NPAS3: variants seen among roughly 807,000 people sequenced by gnomAD.
NPAS3 encodes neuronal PAS domain protein 3.
In NPAS3, 14 loss-of-function variants were observed where a neutral mutation model predicts 73.1. The ratio of observed to expected loss-of-function variants is 0.19; its 90% confidence interval spans 0.13 to 0.30. NPAS3 has a LOEUF of 0.30. Among genes scored for constraint, NPAS3 ranks in the 10% least tolerant of loss-of-function variants. The pLI, the probability that NPAS3 is intolerant of heterozygous loss-of-function variation, is 1.00. For missense variants in NPAS3, 1,096 were observed against 1,250.0 expected (o/e 0.88, Z 1.86); for synonymous variants, 620 against 541.5 (o/e 1.14, Z -2.01).
chr14:33,438,438 AT>A (rs1208996633), intron 4 of NPAS3, among the ~76,000 whole-genome samples: 1 of 152,236 alleles, frequency 6.6e-6, no homozygotes, highest in Admixed American at 6.5e-5. Context: ...AAAAAAAGAC[AT>A]CATAGCAAGA....
intron 2 of NPAS3, among the ~76,000 whole-genome samples, chr14:33,060,884 G>C (rs2041073064): frequency 6.6e-6 from 1 of 152,212 alleles, no homozygotes; most frequent in Non-Finnish European, 1.5e-5. Flanking sequence ...TATGGGGCTA[G>C]AGGAAAGTTT....
chr14:33,531,447 A>AC lies in NPAS3; in HGVS notation c.469-28673dup, dbSNP rs558435003. Reference sequence around the variant, plus strand: ...GAGAACGTCATATAAATGGAATGATACAGTATGTAAGCTTTCAAGACTGGC... The same window carrying AC: ...GAGAACGTCATATAAATGGAATGATACCAGTATGTAAGCTTTCAAGACTGGC... On this transcript the variant is annotated intron_variant, in intron 4 of 11. Coordinates refer to ENST00000356141, the Ensembl canonical transcript of NPAS3. Among the ~76,000 whole-genome samples, 33 of 152,196 alleles carry AC rather than the reference A, an allele frequency of 2.2e-4. No homozygotes were observed. In the East Asian group the frequency reaches 6.0e-3, roughly 28 times the overall value.
Position 33,228,037 on chromosome 14 carries a change from C to T in NPAS3, c.385+12611C>T, listed in dbSNP as rs145625717. 5.1e-3 allele frequency among the ~76,000 whole-genome samples: 776 copies of T among 152,182 alleles called. 7 individuals carry two copies. The highest frequency in any genetic ancestry group is 0.015 in the African/African-American group (631 of 41,516). On this transcript the variant is annotated intron_variant, in intron 3 of 11. Coordinates refer to ENST00000356141, the Ensembl canonical transcript of NPAS3. ...ACCTGTGAACCCAGCTTGTCTATAC[C>T]GTCTACTGCAGTGAGCTGAGATTGT... is the stretch of plus-strand genomic sequence containing the variant.
intron 4 of NPAS3, among the ~76,000 whole-genome samples, chr14:33,408,259 T>C (rs185272471): frequency 8.5e-4 from 129 of 152,258 alleles, no homozygotes; most frequent in African/African-American, 3.0e-3. Flanking sequence ...CATTTAACTT[T>C]ACCTGCCGAA....
intron 3 of NPAS3, among the ~76,000 whole-genome samples, chr14:33,297,024 C>CT (rs1236968751): frequency 6.6e-6 from 1 of 152,180 alleles, no homozygotes; most frequent in South Asian, 2.1e-4. Context: ...ATTTCTCATC[C>CT]TTTTTTTCTC....
At chr14:32,964,961 C>T (rs1302184252) in intron 1 of NPAS3, among the ~76,000 whole-genome samples, 2 of 152,070 alleles carry the variant, frequency 1.3e-5, no homozygotes, top group Non-Finnish European at 2.9e-5. Flanking sequence ...CAGAGCAAGA[C>T]CCTGTCTCTG....
intron 1 of NPAS3, among the ~76,000 whole-genome samples, chr14:32,968,785 T>A (rs1379381452): frequency 2.6e-5 from 4 of 151,054 alleles, no homozygotes. Context: ...TTTTTTTTTT[T>A]AAACTTATTT....
intron 6 of NPAS3, among the ~76,000 whole-genome samples, chr14:33,690,285 A>G (rs1024076638): frequency 6.6e-6 from 1 of 152,160 alleles, no homozygotes; most frequent in Non-Finnish European, 1.5e-5. Flanking sequence ...AATCTTGAGA[A>G]CTAAAATGAG....
chr14:32,975,513 G>T (rs1322384024), intron 1 of NPAS3, among the ~76,000 whole-genome samples: 1 of 152,132 alleles, frequency 6.6e-6, no homozygotes, highest in African/African-American at 2.4e-5. Context: ...GAAGGGACTT[G>T]TTTCTGTTAT....
chr14:33,073,260 A>G (rs976492772), intron 2 of NPAS3, among the ~76,000 whole-genome samples: 13 of 152,226 alleles, frequency 8.5e-5, no homozygotes, highest in African/African-American at 3.1e-4. Context: ...GTTGCATGCC[A>G]GTGGGGCAAT....
chr14:33,158,598 G>A (rs765517255), intron 2 of NPAS3, among the ~76,000 whole-genome samples: 7 of 152,138 alleles, frequency 4.6e-5, no homozygotes, highest in African/African-American at 7.2e-5. Flanking sequence ...CTAAGGTACT[G>A]CAGAGAGAGG....
chr14:33,507,486 C>A (rs1435072885), intron 4 of NPAS3, among the ~76,000 whole-genome samples: 1 of 151,812 alleles, frequency 6.6e-6, no homozygotes, highest in Non-Finnish European at 1.5e-5. Context: ...TTGCCCACAC[C>A]CTCCTTGTAT....
intron 2 of NPAS3, among the ~76,000 whole-genome samples, chr14:33,128,933 T>A (rs753123601): frequency 6.6e-6 from 1 of 152,166 alleles, no homozygotes; most frequent in South Asian, 2.1e-4. Context: ...TCATCCTCCA[T>A]ATGCTCTTTT....
intron 5 of NPAS3, among the ~76,000 whole-genome samples, chr14:33,640,911 T>C (rs2058658869): frequency 6.6e-6 from 1 of 152,242 alleles, no homozygotes. Flanking sequence ...TTATAGGTAC[T>C]GCATGATCCA....
Position 33,225,239 on chromosome 14 carries a change from G to A in NPAS3, c.385+9813G>A, listed in dbSNP as rs117080541. Among the ~76,000 whole-genome samples the A allele has an allele frequency of 5.5e-4, 84 of 152,300 alleles. No homozygotes were observed. The East Asian group carries it at 0.014, about 26-fold the overall frequency. Reference sequence around the variant, plus strand: ...CTTAAGACTTTATAACTGAACTATTGCCATAGAGAGTCATACATAAGTTTT... The same window carrying A: ...CTTAAGACTTTATAACTGAACTATTACCATAGAGAGTCATACATAAGTTTT... On this transcript the variant is annotated intron_variant, in intron 3 of 11. Transcript: ENST00000356141.
chr14:33,183,421 GTTTTTTTTTTTTTTTTT>G lies in NPAS3; in HGVS notation c.141-31741_141-31725del, dbSNP rs55643715. Among the ~76,000 whole-genome samples, 264 of 60,796 alleles carry G rather than the reference GTTTTTTTTTTTTTTTTT, an allele frequency of 4.3e-3. 7 individuals carry two copies. The highest frequency in any genetic ancestry group is 0.015 in the East Asian group (33 of 2,166). The allele number at this position is 60,796 out of a possible 152,430, so 39.9% of individuals were successfully genotyped here. A position where few individuals can be genotyped will look rare whatever the true frequency, so the allele number is the denominator to read the frequency against. On this transcript the variant is annotated intron_variant, in intron 2 of 11. Coordinates refer to ENST00000356141, the Ensembl canonical transcript of NPAS3. The stretch of plus-strand genomic sequence containing the variant: ...AGCCTGGGCGACAGAGTGAGACTCT[GTTTTTTTTTTTTTTTTT>G]TTTTTTTTTTTTTTTTTTTGAAACA...
chr14:33,687,046 G>A (rs2140389267), intron 6 of NPAS3, among the ~76,000 whole-genome samples: 1 of 152,264 alleles, frequency 6.6e-6, no homozygotes, highest in East Asian at 1.9e-4. Context: ...ATTTTTGGGA[G>A]GCCTTGCAAA....
intron 2 of NPAS3, among the ~76,000 whole-genome samples, chr14:33,161,377 C>T (rs748195562): frequency 6.6e-6 from 1 of 152,174 alleles, no homozygotes; most frequent in Non-Finnish European, 1.5e-5. Context: ...GAGCAAGAAT[C>T]ATTGATACTA....
At chr14:33,013,046 A>G (rs1425826567) in intron 1 of NPAS3, among the ~76,000 whole-genome samples, 1 of 152,174 alleles carries the variant, frequency 6.6e-6, no homozygotes, top group African/African-American at 2.4e-5. Flanking sequence ...AAATCCAAAC[A>G]GTCTTCTCCA....
Sources: allele counts gnomAD v4.1 joint callset (sites outside exome capture counted in the v4.1 genomes callset), GRCh38; gene constraint gnomAD v4.1.1; transcripts MANE v1.5; gene names NCBI Gene and HGNC (gene_info 2026-07-23, HGNC 2026-07-21).